USH2A: variants seen among roughly 807,000 people sequenced by gnomAD.
The protein encoded by USH2A is usherin.
USH2A carries 443 observed loss-of-function variants against 538.9 expected under a neutral mutation model. The observed-to-expected ratio is 0.82, with a 90% CI of 0.76 to 0.89. The LOEUF (loss-of-function observed/expected upper bound fraction) is 0.89, where lower values mean the gene tolerates loss of function less well. Among genes scored for constraint, USH2A ranks in the 40% least tolerant of loss-of-function variants. The probability of loss-of-function intolerance (pLI) is 0.00; values close to 1 mark genes in which losing one functional copy is unlikely to be tolerated. For synonymous variants in USH2A, 2,413 were observed against 2,273.5 expected (o/e 1.06, Z -1.75); for missense variants, 6,633 against 6,324.8 (o/e 1.05, Z -1.65).
chr1:216,282,595 C>G (rs2036803993), intron 11 of USH2A, among the ~76,000 whole-genome samples: 2 of 152,144 alleles, frequency 1.3e-5, no homozygotes, highest in South Asian at 4.1e-4. Flanking sequence ...GTCTCTATGT[C>G]TATCTTTATC....
chr1:216,334,332 G>A lies in USH2A; in HGVS notation c.785-6678C>T, dbSNP rs556571188. 1.4e-3 allele frequency among the ~76,000 whole-genome samples: 207 copies of A among 151,972 alleles called. 2 individuals carry two copies. The highest frequency in any genetic ancestry group is 2.6e-3 in the Non-Finnish European group (179 of 67,872). On this transcript the variant is annotated intron_variant, in intron 4 of 71. Coordinates refer to ENST00000307340, the MANE Select transcript of USH2A (RefSeq NM_206933.4). ...GATAACATCCTGGGCAACAAACATA[G>A]TAGAATAAATGACAAGGGTATTAAA...
intron 64 of USH2A, among the ~76,000 whole-genome samples, chr1:215,656,272 A>T (rs2102649302): frequency 6.6e-6 from 1 of 152,324 alleles, no homozygotes; most frequent in Admixed American, 6.5e-5. Context: ...TTATTAATGT[A>T]CATTTCAAGG....
At chr1:216,325,268 A>G in intron 6 of USH2A, 37 bp downstream of exon 6, 1 of 1,609,292 alleles carries the variant, frequency 6.2e-7, no homozygotes, top group Non-Finnish European at 8.5e-7. Flanking sequence ...TGCAATAACC[A>G]CAGGAAATTA....
At chr1:215,694,559 A>C (rs764477931) in intron 61 of USH2A, among the ~76,000 whole-genome samples, 1 of 152,112 alleles carries the variant, frequency 6.6e-6, no homozygotes, top group African/African-American at 2.4e-5. Flanking sequence ...GGTGACAGAG[A>C]GAGACTCCAT....
intron 11 of USH2A, among the ~76,000 whole-genome samples, chr1:216,287,576 C>T (rs2036910831): frequency 1.3e-5 from 2 of 151,860 alleles, no homozygotes; most frequent in African/African-American, 4.8e-5. Context: ...AAGCACAGAA[C>T]CACCCAAGGT....
chr1:215,766,698 A>G lies in USH2A; in HGVS notation c.11030T>C (p.Leu3677Pro), dbSNP rs1033005563. 6.2e-7 allele frequency: 1 copy of G among 1,613,664 alleles called. No individual in the cohort carries two copies. Among genetic ancestry groups the G allele is most frequent in the African/African-American group, 1.3e-5 (1 of 75,032 alleles). ...TTCATTACCTTCAGGAGCTGCCTGCAGTGTCTGACCTAGAAAAGGCTCGCT... is the reference window on the plus strand; with the variant it reads ...TTCATTACCTTCAGGAGCTGCCTGCGGTGTCTGACCTAGAAAAGGCTCGCT... The part of the protein sequence containing the change: ...TSSEPFLGQT[L>P]QAAPEGVWVT... Residue 3677 changes from leucine (L) to proline (P), a missense_variant, in exon 56 of 72, where the codon CTG becomes CCG. By Grantham distance (98) the Leu-to-Pro change is moderately conservative. Coordinates refer to ENST00000307340, the MANE Select transcript of USH2A (RefSeq NM_206933.4).
rs374887449 is a variant in USH2A at position 216,314,115 on chromosome 1, T to C, written c.1644+7768A>G. Among the ~76,000 whole-genome samples, 4 of 152,300 alleles carry C rather than the reference T, an allele frequency of 2.6e-5. No homozygotes were observed. In the South Asian group the frequency reaches 8.3e-4, roughly 32 times the overall value. ...ACCTTTAGATAATTCTTTACTCTTA[T>C]CCCTTCAAATATTATCTTTTCTTTT... On this transcript the variant is annotated intron_variant, in intron 9 of 71. Coordinates refer to ENST00000307340, the MANE Select transcript of USH2A (RefSeq NM_206933.4).
chr1:215,671,198 G>C lies in USH2A; in HGVS notation c.13907C>G (p.Pro4636Arg). The change falls in exon 64 of 72, where the codon CCC becomes CGC. Residue 4636 changes from proline (P) to arginine (R), a missense_variant. Physicochemically the swap from Pro to Arg is moderately radical, Grantham distance 103 (BLOSUM62 -2). Transcript: ENST00000307340. ...QTPEIAPLMQPPPHLEVQMAP... is the reference protein window; with the variant it reads ...QTPEIAPLMQRPPHLEVQMAP... ...CATTTGTACCTCCAGATGTGGAGGG[G>C]GTTGCATCAAAGGTGCAATCTCAGG... The C allele has an allele frequency of 6.2e-7, 1 of 1,614,104 alleles. No homozygotes were observed. The highest frequency in any genetic ancestry group is 8.5e-7 in the Non-Finnish European group (1 of 1,180,022).
intron 30 of USH2A, among the ~76,000 whole-genome samples, chr1:216,066,201 T>C (rs1428368502): frequency 6.6e-6 from 1 of 152,082 alleles, no homozygotes; most frequent in Non-Finnish European, 1.5e-5. Context: ...CCGGGCACTG[T>C]GGCTCACGCC....
chr1:216,042,726 A>G (rs2030334391), intron 32 of USH2A, among the ~76,000 whole-genome samples: 1 of 152,060 alleles, frequency 6.6e-6, no homozygotes, highest in South Asian at 2.1e-4. Flanking sequence ...TTTCCTATTT[A>G]GTCTTCTCTG....
chr1:215,800,814 A>C (rs1662305148), intron 49 of USH2A, among the ~76,000 whole-genome samples: 1 of 152,158 alleles, frequency 6.6e-6, no homozygotes, highest in Admixed American at 6.6e-5. Flanking sequence ...CATACAACTT[A>C]CCAAAGAAAC....
At chr1:216,296,333 A>G (rs1296005013) in intron 9 of USH2A, among the ~76,000 whole-genome samples, 3 of 151,996 alleles carry the variant, frequency 2.0e-5, no homozygotes, top group African/African-American at 7.2e-5. Context: ...TTTCCCCACA[A>G]TCATTTGCAA....
At chr1:216,281,809 C>A (rs531155414) in intron 11 of USH2A, among the ~76,000 whole-genome samples, 23 of 150,690 alleles carry the variant, frequency 1.5e-4, no homozygotes, top group South Asian at 4.2e-4. Flanking sequence ...TTCTCACAGG[C>A]AGCCTATGAG....
At chr1:216,367,244 A>G (rs1199226426) in intron 3 of USH2A, among the ~76,000 whole-genome samples, 1 of 152,216 alleles carries the variant, frequency 6.6e-6, no homozygotes, top group Admixed American at 6.5e-5. Context: ...AGCCAACAAT[A>G]TATTAACACT....
chr1:215,714,955 C>T (rs183586299), intron 61 of USH2A, among the ~76,000 whole-genome samples: 13 of 152,258 alleles, frequency 8.5e-5, no homozygotes, highest in Non-Finnish European at 1.9e-4. Context: ...TAATATCATG[C>T]CCCAAATAGG....
chr1:215,675,957 G>C (rs1658009081), intron 62 of USH2A, among the ~76,000 whole-genome samples: 2 of 152,074 alleles, frequency 1.3e-5, no homozygotes, highest in South Asian at 4.2e-4. Context: ...GTAGAGAATA[G>C]TATTAAAGTC....
At chr1:215,828,630 G>A (rs538422888) in intron 47 of USH2A, among the ~76,000 whole-genome samples, 21 of 152,154 alleles carry the variant, frequency 1.4e-4, no homozygotes, top group African/African-American at 4.3e-4. Context: ...TGAGTGCTAC[G>A]AAGACTTTAT....
intron 40 of USH2A, among the ~76,000 whole-genome samples, chr1:215,892,115 A>T (rs559038915): frequency 6.6e-6 from 1 of 152,284 alleles, no homozygotes; most frequent in Admixed American, 6.5e-5. Context: ...TTTTATATTC[A>T]GGTGTGTATA....
At chr1:216,148,262 A>C in intron 21 of USH2A, among the ~76,000 whole-genome samples, 1 of 151,452 alleles carries the variant, frequency 6.6e-6, no homozygotes, top group African/African-American at 2.4e-5. Context: ...ATACTCTTTT[A>C]AGCACTCCTT....
Sources: allele counts gnomAD v4.1 joint callset (sites outside exome capture counted in the v4.1 genomes callset), GRCh38; gene constraint gnomAD v4.1.1; transcripts MANE v1.5; gene names NCBI Gene and HGNC (gene_info 2026-07-23, HGNC 2026-07-21).